ZFAT: variants seen among roughly 807,000 people sequenced by gnomAD.
ZFAT encodes the protein zinc finger protein ZFAT.
ZFAT carries 64 observed loss-of-function variants against 117.7 expected under a neutral mutation model. The ratio of observed to expected loss-of-function variants is 0.54; its 90% CI spans 0.44 to 0.67. The LOEUF is 0.67. Among genes scored for constraint, ZFAT ranks in the 30% least tolerant of loss-of-function variants. ZFAT has a pLI of 0.00. For missense variants in ZFAT, 1,433 were observed against 1,584.5 expected (o/e 0.90, Z 1.62); for synonymous variants, 679 against 615.0 (o/e 1.10, Z -1.54).
chr8:134,719,886 T>G, the ZFAT span, among the ~76,000 whole-genome samples: 1 of 152,212 alleles, frequency 6.6e-6, no homozygotes, highest in African/African-American at 2.4e-5. Context: ...CTAGACAGTC[T>G]GTACAATGGT....
intron 3 of ZFAT, among the ~76,000 whole-genome samples, chr8:134,632,395 T>C (rs1418399978): frequency 2.0e-5 from 3 of 152,184 alleles, no homozygotes; most frequent in African/African-American, 7.2e-5. Flanking sequence ...CTAGTTAAGT[T>C]TGAGGAGAGT....
In ZFAT at chr8:134,532,929, C is replaced by A. The variant is rs1482303652; in HGVS notation, c.3020G>T (p.Gly1007Val). ...AHCHYSCNIS[G>V]SLKRHYNRKH... ...CCTGTTGTAGTGCCGCTTCAGAGAG[C>A]CAGATATGTTGCAGGAGTAATGGCA... Residue 1007 changes from glycine to valine, a missense_variant, in exon 12 of 16, where the codon GGC becomes GTC. Gly to Val is a moderately radical substitution (Grantham distance 109). This residue lies in a region of ZFAT where 503 missense variants were observed against 543.4 expected (regional missense o/e 0.93). Coordinates refer to ENST00000377838, the MANE Select transcript of ZFAT (RefSeq NM_020863.4). 6.2e-7 allele frequency: 1 copy of A among 1,609,026 alleles called. No individual in the cohort carries two copies. The highest frequency in any genetic ancestry group is 8.5e-7 in the Non-Finnish European group (1 of 1,177,740).
intron 15 of ZFAT, among the ~76,000 whole-genome samples, chr8:134,500,887 G>C (rs111840659): frequency 6.6e-6 from 1 of 152,308 alleles, no homozygotes; most frequent in African/African-American, 2.4e-5. Context: ...CCAAGTATGA[G>C]AACACTTTTA....
intron 3 of ZFAT, among the ~76,000 whole-genome samples, chr8:134,633,016 C>T (rs765015207): frequency 6.6e-6 from 1 of 151,846 alleles, no homozygotes; most frequent in African/African-American, 2.4e-5. Context: ...TGGCCCATGA[C>T]GGAAAAATAA....
intron 11 of ZFAT, among the ~76,000 whole-genome samples, chr8:134,544,575 G>A (rs76863375): frequency 6.6e-6 from 1 of 151,688 alleles, no homozygotes; most frequent in Non-Finnish European, 1.5e-5. Context: ...AAGAGATAAA[G>A]AATTCCTGAA....
chr8:134,639,792 G>A (rs1489483941), intron 2 of ZFAT: 1 of 456,278 alleles, frequency 2.2e-6, no homozygotes, highest in Non-Finnish European at 4.4e-6. Flanking sequence ...CATGTCAGCT[G>A]AGTTCCAGAA....
At chr8:134,682,266 A>G (rs747940086) in intron 1 of ZFAT, among the ~76,000 whole-genome samples, 1 of 152,216 alleles carries the variant, frequency 6.6e-6, no homozygotes, top group Non-Finnish European at 1.5e-5. Flanking sequence ...TATTTTACAT[A>G]CCACTAAAAA....
At chr8:134,665,578 G>A (rs1311930488) in intron 1 of ZFAT, among the ~76,000 whole-genome samples, 1 of 152,180 alleles carries the variant, frequency 6.6e-6, no homozygotes, top group African/African-American at 2.4e-5. Flanking sequence ...TTCCATTATT[G>A]TTTATTACAA....
intron 15 of ZFAT, among the ~76,000 whole-genome samples, chr8:134,509,122 T>A (rs150294783): frequency 2.6e-5 from 4 of 152,186 alleles, no homozygotes; most frequent in Admixed American, 2.6e-4. Context: ...TTAAGTGGAG[T>A]AACCTTTATT....
At chr8:134,599,587 A>C in intron 7 of ZFAT, 1 of 361,190 alleles carries the variant, frequency 2.8e-6, no homozygotes, top group South Asian at 2.1e-5. Context: ...CCTACTCACC[A>C]CACCCAAACA....
chr8:134,637,342 G>C, intron 3 of ZFAT, 119 bp downstream of exon 3: 2 of 1,305,654 alleles, frequency 1.5e-6, no homozygotes, highest in Admixed American at 2.1e-5. Flanking sequence ...TTTCCAGATG[G>C]GTGAGAGCTG....
At chr8:134,667,771 T>C (rs1019865234) in intron 1 of ZFAT, among the ~76,000 whole-genome samples, 7 of 151,892 alleles carry the variant, frequency 4.6e-5, no homozygotes, top group African/African-American at 1.2e-4. Flanking sequence ...GACAGGACAG[T>C]AGGTGCAGCC....
intron 15 of ZFAT, among the ~76,000 whole-genome samples, chr8:134,504,145 C>T (rs778077857): frequency 7.2e-5 from 11 of 152,054 alleles, no homozygotes; most frequent in Non-Finnish European, 1.3e-4. Context: ...GTGTCCTGGC[C>T]ATTCGTATGT....
At chr8:134,596,851 G>C (rs983695879) in intron 7 of ZFAT, among the ~76,000 whole-genome samples, 9 of 152,116 alleles carry the variant, frequency 5.9e-5, no homozygotes, top group African/African-American at 2.2e-4. Context: ...CACAGATATA[G>C]AGAGTAGATT....
chr8:134,626,021 G>A (rs1448403796), intron 3 of ZFAT, among the ~76,000 whole-genome samples: 15 of 152,282 alleles, frequency 9.9e-5, no homozygotes, highest in South Asian at 4.1e-4. Context: ...GCCAGCAGCC[G>A]CAGGGTGACC....
At chr8:134,554,843 C>T (rs1373941286) in intron 11 of ZFAT, among the ~76,000 whole-genome samples, 3 of 152,198 alleles carry the variant, frequency 2.0e-5, no homozygotes, top group Non-Finnish European at 4.4e-5. Context: ...CTCAACCTTG[C>T]TGAAAGCAAA....
At chr8:134,566,393 C>CCAAA (rs1824466792) in intron 10 of ZFAT, among the ~76,000 whole-genome samples, 1 of 77,298 alleles carries the variant, frequency 1.3e-5, no homozygotes, top group Non-Finnish European at 2.4e-5. Flanking sequence ...GACTCCAACT[C>CCAAA]AAAAAAAAAA....
At chr8:134,817,442 A>C in the ZFAT span, among the ~76,000 whole-genome samples, 2 of 122,966 alleles carry the variant, frequency 1.6e-5, no homozygotes, top group South Asian at 2.4e-4. Flanking sequence ...CACACAACGC[A>C]CCCTTATTGA....
At chr8:134,593,710 G>A (rs546281844) in intron 7 of ZFAT, among the ~76,000 whole-genome samples, 21 of 152,304 alleles carry the variant, frequency 1.4e-4, no homozygotes, top group South Asian at 6.2e-4. Flanking sequence ...ATGCCTTAGC[G>A]GCAAGTGCTT....
Sources: allele counts gnomAD v4.1 joint callset (sites outside exome capture counted in the v4.1 genomes callset), GRCh38; gene constraint gnomAD v4.1.1; regional missense constraint gnomAD v4.1.1; transcripts MANE v1.5; gene names NCBI Gene and HGNC (gene_info 2026-07-23, HGNC 2026-07-21).